The following POLE variants were observed in gnomAD, a reference collection of about 807,000 sequenced individuals.
The protein encoded by POLE is DNA polymerase epsilon, catalytic subunit.
Under a neutral mutation model 279.2 loss-of-function variants are expected in POLE, and 188 were observed. The observed-to-expected ratio is 0.67, with a 90% confidence interval of 0.60 to 0.76. POLE has a LOEUF of 0.76. Among genes scored for constraint, POLE ranks in the 30% least tolerant of loss-of-function variants. POLE has a pLI of 0.00. For synonymous variants in POLE, 1,214 were observed against 1,172.5 expected (o/e 1.04, Z -0.72); for missense variants, 2,703 against 3,016.7 (o/e 0.90, Z 2.44).
At chr12:132,681,378 C>T in intron 1 of POLE, 99 bp from the exon 2 acceptor site, 1 of 1,306,470 alleles carries the variant, frequency 7.7e-7, no homozygotes, top group Non-Finnish European at 1.0e-6. Context: ...GAGTCTTGCT[C>T]TGTCGCCTAG....
At chr12:132,653,919 G>T (rs760998660) in intron 29 of POLE, among the ~76,000 whole-genome samples, 6 of 152,206 alleles carry the variant, frequency 3.9e-5, no homozygotes, top group Admixed American at 6.5e-5. Flanking sequence ...TATTGGAGAT[G>T]ATCTTACGAG....
intron 20 of POLE, 86 bp downstream of exon 20, chr12:132,667,417 C>T: frequency 1.4e-6 from 2 of 1,422,942 alleles, no homozygotes; most frequent in East Asian, 2.3e-5. Context: ...CAGAGGATCC[C>T]AGGCAAGGAG....
intron 6 of POLE, among the ~76,000 whole-genome samples, chr12:132,679,101 A>G (rs192472109): frequency 6.6e-6 from 1 of 152,342 alleles, no homozygotes; most frequent in East Asian, 1.9e-4. Context: ...AACAGTGTTT[A>G]GTGTTCTAGG....
chr12:132,671,066 C>A (rs914507622), intron 16 of POLE, among the ~76,000 whole-genome samples: 1 of 150,826 alleles, frequency 6.6e-6, no homozygotes, highest in Non-Finnish European at 1.5e-5. Context: ...AGTTCGAAAG[C>A]AGCCTGGCCA....
chr12:132,677,107 G>A (rs890146311), intron 8 of POLE, among the ~76,000 whole-genome samples: 8 of 152,078 alleles, frequency 5.3e-5, no homozygotes, highest in African/African-American at 1.9e-4. Context: ...CTACCCAAAC[G>A]GAAGTCCCAG....
rs1193477543 is a variant in POLE at position 132,675,665 on chromosome 12, G to A, written c.1106+70C>T. 9 of 1,554,000 alleles carry A rather than the reference G, an allele frequency of 5.8e-6. No individual in the cohort carries two copies. The highest frequency in any genetic ancestry group is 2.2e-5 in the East Asian group (1 of 44,508). ...CACCTCCTAAGTCGACATGGGAAGC[G>A]CCCCTGCACCACGCAACGCCCTCCC... is the stretch of plus-strand genomic sequence containing the variant. On this transcript the variant is annotated intron_variant, in intron 11 of 48. Coordinates refer to ENST00000320574, the MANE Select transcript of POLE (RefSeq NM_006231.4). This position sits in a 1 kb window ranked among gnomAD's most constrained non-coding sequence, Gnocchi z 4.3.
At chr12:132,681,500 C>T (rs1214072065) in intron 1 of POLE, among the ~76,000 whole-genome samples, 4 of 152,098 alleles carry the variant, frequency 2.6e-5, no homozygotes, top group East Asian at 1.9e-4. Flanking sequence ...ACAGCCACCA[C>T]GCCTGGCTAA....
rs771361491 is a variant in POLE, at chr12:132,628,685, C to CA, written c.6331-2369dup. Among the ~76,000 whole-genome samples, 104 of 129,322 alleles carry CA rather than the reference C, an allele frequency of 8.0e-4. No homozygotes were observed. The Middle Eastern group carries it at 0.016, about 19-fold the overall frequency. 84.8% of individuals were successfully genotyped at this position (129,322 alleles called of 152,430 possible). ...CAAAACAAAACAAAACAAAACAAAA[C>CA]AAAAAACTACTTTACTGCTCATCCA... On this transcript the variant is annotated intron_variant, in intron 45 of 48. Coordinates refer to ENST00000320574, the MANE Select transcript of POLE (RefSeq NM_006231.4).
chr12:132,628,259 G>A lies in POLE; in HGVS notation c.6331-1942C>T, dbSNP rs1057378665. 2.0e-4 allele frequency among the ~76,000 whole-genome samples: 31 copies of A among 152,208 alleles called. No individual in the cohort carries two copies. In the East Asian group the frequency reaches 2.9e-3, roughly 14 times the overall value. On this transcript the variant is annotated intron_variant, in intron 45 of 48. Transcript: ENST00000320574. The stretch of plus-strand genomic sequence containing the variant: ...CGGGAGGCTGAGGCAGGAGAATGGC[G>A]TGAACCTGGGAGGGAGCTTGCAGTG...
chr12:132,656,148 G>A (rs1348303604), intron 29 of POLE, among the ~76,000 whole-genome samples: 1 of 151,800 alleles, frequency 6.6e-6, no homozygotes, highest in Non-Finnish European at 1.5e-5. Context: ...TATAATCCCA[G>A]CTACACTAGA....
At chr12:132,682,240 G>A (rs920120267) in intron 1 of POLE, among the ~76,000 whole-genome samples, 2 of 151,394 alleles carry the variant, frequency 1.3e-5, no homozygotes, top group Non-Finnish European at 2.9e-5. Flanking sequence ...CTTGCAGTGA[G>A]CCGAGAACGC....
chr12:132,641,761 C>T lies in POLE; in HGVS notation c.5264G>A (p.Gly1755Glu), dbSNP rs760235113. Reference protein sequence around the residue: ...VNDMEGADSMGISFDVIQQAS... With the variant: ...VNDMEGADSMEISFDVIQQAS... ...CTGCTGGATCACGTCGAAGCTGATC[C>T]CCATGCTGTCGGCCCCCTCCATGTC... The change falls in exon 39 of 49, where the codon GGG (glycine) becomes GAG (glutamate). Residue 1755 changes from glycine to glutamate, a missense_variant. Transcript: ENST00000320574. 1 of 1,610,880 alleles carries T rather than the reference C, an allele frequency of 6.2e-7. No homozygotes were observed. The highest frequency in any genetic ancestry group is 8.5e-7 in the Non-Finnish European group (1 of 1,179,980).
chr12:132,636,134 T>C, intron 41 of POLE, 110 bp from the exon 42 acceptor site: 1 of 1,189,298 alleles, frequency 8.4e-7, no homozygotes, highest in Non-Finnish European at 1.2e-6. Flanking sequence ...AACACTGAAT[T>C]TGAAAGTTCA....
intron 1 of POLE, among the ~76,000 whole-genome samples, chr12:132,683,533 C>T (rs1197291787): frequency 2.0e-5 from 3 of 152,142 alleles, no homozygotes; most frequent in Non-Finnish European, 4.4e-5. Flanking sequence ...AACTGATACA[C>T]CACCATACTG....
intron 41 of POLE, among the ~76,000 whole-genome samples, chr12:132,637,003 G>A (rs1175947404): frequency 1.3e-5 from 2 of 152,198 alleles, no homozygotes; most frequent in Admixed American, 1.3e-4. Flanking sequence ...TGGCCAACGT[G>A]GGGAGAGGCA....
In POLE at chr12:132,664,007, G is replaced by C. The variant is rs1555226414; in HGVS notation, c.2703C>G (p.Val901=). The change falls in exon 23 of 49, where the codon GTC becomes GTG. Residue 901 remains valine, a synonymous_variant. Coordinates refer to ENST00000320574, the MANE Select transcript of POLE (RefSeq NM_006231.4). This position sits in a 1 kb window ranked among gnomAD's most constrained non-coding sequence, Gnocchi z 5.3. ...SYPGAMLNIM[V]KEGFTNDQYQ... ...GGACCAGAGGCCCCAGACTCACCTTGACCATGATGTTCAACATGGCGCCTG... is the reference window on the plus strand; with the variant it reads ...GGACCAGAGGCCCCAGACTCACCTTCACCATGATGTTCAACATGGCGCCTG... 1 of 1,613,994 alleles carries C rather than the reference G, an allele frequency of 6.2e-7. No homozygotes were observed.
At chr12:132,670,605 C>T (rs2135984778) in intron 16 of POLE, among the ~76,000 whole-genome samples, 1 of 151,132 alleles carries the variant, frequency 6.6e-6, no homozygotes, top group South Asian at 2.1e-4. Context: ...ATTCTCCTGC[C>T]TCAGCCTCCC....
At chr12:132,670,232 CAGGCGTGGTGGCA>C (rs1354164120) in intron 16 of POLE, among the ~76,000 whole-genome samples, 1 of 151,320 alleles carries the variant, frequency 6.6e-6, no homozygotes, top group Non-Finnish European at 1.5e-5. Flanking sequence ...AAAAATTACC[CAGGCGTGGTGGCA>C]AGCGCCTGTT....
intron 2 of POLE, 38 bp from the exon 3 acceptor site, chr12:132,680,725 C>T: frequency 2.0e-6 from 3 of 1,497,824 alleles, no homozygotes; most frequent in South Asian, 2.3e-5. Context: ...CAAGACCATC[C>T]TCTACACAGT....
Sources: allele counts gnomAD v4.1 joint callset (sites outside exome capture counted in the v4.1 genomes callset), GRCh38; gene constraint gnomAD v4.1.1; non-coding constraint Gnocchi (gnomAD v3.1); transcripts MANE v1.5; gene names NCBI Gene and HGNC (gene_info 2026-07-23, HGNC 2026-07-21).